The following RAD52 variants were observed in gnomAD, a reference collection of about 807,000 sequenced individuals.
The protein encoded by RAD52 is DNA repair protein RAD52 homolog.
In RAD52, 47 loss-of-function variants were observed where a neutral mutation model predicts 55.5. The ratio of observed to expected loss-of-function variants is 0.85; its 90% CI spans 0.67 to 1.08. The LOEUF (loss-of-function observed/expected upper bound fraction) is 1.08. Among genes scored for constraint, RAD52 ranks in the 50% least tolerant of loss-of-function variants. RAD52 has a pLI of 0.00. For synonymous variants in RAD52, 184 were observed against 198.9 expected, an observed-to-expected ratio of 0.92 and a Z score of 0.63; for missense variants, 468 against 522.8, an observed-to-expected ratio of 0.90 and a Z score of 1.02.
At chr12:955,079 T>A (rs180987679) in intron 1 of RAD52, among the ~76,000 whole-genome samples, 1 of 152,294 alleles carries the variant, frequency 6.6e-6, no homozygotes, top group Non-Finnish European at 1.5e-5. Context: ...AATAAACACA[T>A]TAATTAGAAT....
intron 1 of RAD52, among the ~76,000 whole-genome samples, chr12:957,070 A>G (rs990211953): frequency 6.6e-6 from 1 of 152,222 alleles, no homozygotes; most frequent in African/African-American, 2.4e-5. Flanking sequence ...CCATGCAGAC[A>G]AAAGTCCTTA....
upstream of RAD52, among the ~76,000 whole-genome samples, chr12:954,653 A>G (rs1181298966): frequency 6.6e-6 from 1 of 152,206 alleles, no homozygotes; most frequent in Admixed American, 6.5e-5. Context: ...AAAAAATGTA[A>G]TAACAGTCAT....
intron 1 of RAD52, among the ~76,000 whole-genome samples, chr12:959,798 G>T (rs1264618678): frequency 2.0e-5 from 3 of 152,202 alleles, no homozygotes; most frequent in African/African-American, 7.2e-5. Context: ...GATCAGTAAA[G>T]TCCCTAGTTA....
chr12:922,208 A>AC (rs1330735506), intron 7 of RAD52, among the ~76,000 whole-genome samples: 2 of 150,872 alleles, frequency 1.3e-5, no homozygotes, highest in East Asian at 1.9e-4. Context: ...AAAAAAAAAA[A>AC]AAAAACCAAA....
chr12:964,048 G>A (rs899411526), intron 1 of RAD52, among the ~76,000 whole-genome samples: 1 of 152,116 alleles, frequency 6.6e-6, no homozygotes, highest in Non-Finnish European at 1.5e-5. Context: ...TACAACATGA[G>A]TAGGAAATGG....
chr12:966,025 G>A (rs1958762082), intron 1 of RAD52, among the ~76,000 whole-genome samples: 1 of 152,038 alleles, frequency 6.6e-6, no homozygotes, highest in Non-Finnish European at 1.5e-5. Flanking sequence ...CACCCAGGCT[G>A]GAGTGCAGTG....
chr12:979,801 A>C (rs758732657), intron 1 of RAD52, among the ~76,000 whole-genome samples: 105 of 151,892 alleles, frequency 6.9e-4, no homozygotes, highest in Non-Finnish European at 1.3e-3. Flanking sequence ...TAATCCCAGC[A>C]CTTTGGGAGG....
At chr12:939,532 G>A (rs1957814271) in intron 1 of RAD52, among the ~76,000 whole-genome samples, 1 of 152,160 alleles carries the variant, frequency 6.6e-6, no homozygotes, top group Non-Finnish European at 1.5e-5. Flanking sequence ...GATTATGGCA[G>A]CTATATAAAT....
At chr12:916,955 C>G in intron 7 of RAD52, 135 bp from the exon 8 acceptor site, 1 of 1,220,096 alleles carries the variant, frequency 8.2e-7, no homozygotes, top group South Asian at 1.5e-5. Context: ...GGTCCTGTAA[C>G]TCCATGAGCA....
intron 1 of RAD52, among the ~76,000 whole-genome samples, chr12:939,199 A>G (rs1957798067): frequency 6.6e-6 from 1 of 151,898 alleles, no homozygotes. Context: ...TCGCTGTGCC[A>G]CCCAGTGCAG....
intron 5 of RAD52, among the ~76,000 whole-genome samples, chr12:928,228 T>G (rs1334701787): frequency 6.6e-6 from 1 of 152,176 alleles, no homozygotes; most frequent in Non-Finnish European, 1.5e-5. Flanking sequence ...AAGAAATAAG[T>G]AGGCCGGGTG....
intron 1 of RAD52, among the ~76,000 whole-genome samples, chr12:960,929 G>A (rs1426039548): frequency 6.6e-5 from 10 of 152,076 alleles, no homozygotes; most frequent in Non-Finnish European, 1.5e-4. Flanking sequence ...CATGGGAGTA[G>A]GTAAGAGTAA....
At position 985,929 on chromosome 12, in the gene RAD52, G is replaced by A. The variant is rs981066861; in HGVS notation, c.-19+3880C>T. Among the ~76,000 whole-genome samples the A allele has an allele frequency of 2.0e-5, 3 of 148,816 alleles. No homozygotes were observed. In the East Asian group the frequency reaches 6.0e-4, roughly 30 times the overall value. On this transcript the variant is annotated intron_variant, in intron 1 of 11. Coordinates refer to the RAD52 transcript ENST00000430095. ...TGCTGGATTATAGGTATGAGCTAAC[G>A]CACCTGGCCTTTTTTTTTTTTTGAG...
At chr12:932,249 CTT>C (rs1007242749) in intron 2 of RAD52, among the ~76,000 whole-genome samples, 1 of 152,006 alleles carries the variant, frequency 6.6e-6, no homozygotes, top group Non-Finnish European at 1.5e-5. Flanking sequence ...AATCCAAACA[CTT>C]TGGGAGGCCG....
In RAD52 at chr12:916,830, A is replaced by C. The variant is rs1248830268; in HGVS notation, c.544-10T>G. 1 of 1,590,640 alleles carries C rather than the reference A, an allele frequency of 6.3e-7. No homozygotes were observed. The highest frequency in any genetic ancestry group is 1.7e-5 in the Admixed American group (1 of 59,422). ...CCACTTCAAGAGGCAACTAGAAGGA[A>C]AGAAGAAAAACAAATTCCTTCAACT... On this transcript the variant is annotated splice_polypyrimidine_tract_variant and intron_variant, in intron 7 of 11. Coordinates refer to ENST00000358495, the MANE Select transcript of RAD52 (RefSeq NM_134424.4).
At position 914,440 on chromosome 12, in the gene RAD52, C is replaced by A. The variant is rs1956248839; in HGVS notation, c.958G>T (p.Glu320Ter). 1.9e-6 allele frequency: 3 copies of A among 1,613,928 alleles called. No homozygotes were observed. The highest frequency in any genetic ancestry group is 2.5e-6 in the Non-Finnish European group (3 of 1,179,938). The part of the protein sequence containing the change: ...EKDFLAGVTQ[E>*]LIKTLEDNSE... ...ATTTCAAGGTATTTACTGATTAATTCTTGAGTCACTCCTGCAAGGAAGTCT... is the reference window on the plus strand; with the variant it reads ...ATTTCAAGGTATTTACTGATTAATTATTGAGTCACTCCTGCAAGGAAGTCT... The change falls in exon 10 of 12, where the codon GAA (glutamate) becomes TAA (stop). Residue 320 changes from glutamate to a stop codon, truncating the protein, a stop_gained. Transcript: ENST00000358495. LOFTEE classifies it high-confidence loss of function.
At chr12:941,617 C>T (rs1285048475) in intron 1 of RAD52, among the ~76,000 whole-genome samples, 1 of 150,728 alleles carries the variant, frequency 6.6e-6, no homozygotes, top group Admixed American at 6.6e-5. Flanking sequence ...CACACCTGGC[C>T]CAAAATTTTT....
chr12:916,244 T>G, intron 9 of RAD52, 100 bp downstream of exon 9: 1 of 1,533,390 alleles, frequency 6.5e-7, no homozygotes, highest in Non-Finnish European at 8.7e-7. Flanking sequence ...GAGGCCTGGT[T>G]TGGAGCCGGC....
Position 912,990 on chromosome 12 carries a change from G to A in RAD52, c.*401C>T, listed in dbSNP as rs1392693053. On this transcript the variant is annotated 3_prime_UTR_variant, in exon 12 of 12. Transcript: ENST00000358495. ...GGACCGTAAAGGAAAGAAGGCAGACGTTATGCAAAACAACTGAATGTAGAC... is the reference window on the plus strand; with the variant it reads ...GGACCGTAAAGGAAAGAAGGCAGACATTATGCAAAACAACTGAATGTAGAC... 1.0e-5 allele frequency: 2 copies of A among 192,810 alleles called. No homozygotes were observed. Among genetic ancestry groups the A allele is most frequent in the East Asian group, 7.6e-5 (1 of 13,194 alleles). The allele number at this position is 192,810 out of a possible 1,614,324, so 11.9% of individuals were successfully genotyped here. A position where few individuals can be genotyped will look rare whatever the true frequency, so the allele number is the denominator to read the frequency against.
Sources: allele counts gnomAD v4.1 joint callset (sites outside exome capture counted in the v4.1 genomes callset), GRCh38; gene constraint gnomAD v4.1.1; transcripts MANE v1.5; gene names NCBI Gene and HGNC (gene_info 2026-07-23, HGNC 2026-07-21).